The following RBPJ variants were observed in gnomAD, a reference collection of about 807,000 sequenced individuals.
RBPJ encodes the protein recombining binding protein suppressor of hairless.
A neutral mutation model predicts 67.8 loss-of-function variants in RBPJ; 9 were observed. That is an observed-to-expected ratio of 0.13 (90% CI 0.08 to 0.23). The LOEUF (loss-of-function observed/expected upper bound fraction) is 0.23. RBPJ is among the 10% of genes least tolerant of loss of function. RBPJ has a pLI of 1.00. For missense variants in RBPJ, 305 were observed against 595.6 expected (o/e 0.51, Z 5.08); for synonymous variants, 198 against 203.3 (o/e 0.97, Z 0.22).
At chr4:26,215,402 G>GAAGGGAAGGA (rs779927576) in intron 1 of RBPJ, among the ~76,000 whole-genome samples, 1 of 108,558 alleles carries the variant, frequency 9.2e-6, no homozygotes, top group Non-Finnish European at 1.8e-5. Flanking sequence ...AGGAAGGAAG[G>GAAGGGAAGGA]GGGGGGAAGG....
chr4:26,282,196 T>A (rs1405142381), intron 1 of RBPJ, among the ~76,000 whole-genome samples: 1 of 149,606 alleles, frequency 6.7e-6, no homozygotes, highest in African/African-American at 2.5e-5. Flanking sequence ...TAAAAAGGAA[T>A]TTTGCTATTG....
chr4:26,202,395 T>C (rs1021613905), intron 1 of RBPJ, among the ~76,000 whole-genome samples: 1 of 151,780 alleles, frequency 6.6e-6, no homozygotes, highest in Non-Finnish European at 1.5e-5. Context: ...TCCACTTACA[T>C]GTCCAATAGA....
chr4:26,358,784 T>TA lies in RBPJ; in HGVS notation c.21-27555dup, dbSNP rs56969605. 1.1e-3 allele frequency among the ~76,000 whole-genome samples: 166 copies of TA among 147,244 alleles called. 2 individuals are homozygous for TA. In the South Asian group the frequency reaches 0.015, roughly 13 times the overall value. On this transcript the variant is annotated intron_variant, in intron 1 of 10. Coordinates refer to ENST00000355476, the MANE Select transcript of RBPJ (RefSeq NM_015874.6). Reference sequence around the variant, plus strand: ...GGTAACAAAGCAAGATCTTGTCTCTTAAAAAAAAAAAAAAGTCCATTCATT... The same window carrying TA: ...GGTAACAAAGCAAGATCTTGTCTCTTAAAAAAAAAAAAAAAGTCCATTCATT...
intron 1 of RBPJ, among the ~76,000 whole-genome samples, chr4:26,239,744 G>A (rs115434597): frequency 1.8e-4 from 27 of 149,888 alleles, no homozygotes; most frequent in South Asian, 8.5e-4. Context: ...GGGAGGGGAG[G>A]GGAGAGGAGA....
At chr4:26,421,303 A>G (rs375736680) in intron 5 of RBPJ, among the ~76,000 whole-genome samples, 1 of 150,634 alleles carries the variant, frequency 6.6e-6, no homozygotes, top group East Asian at 1.9e-4. Context: ...TATTATGGAG[A>G]CTTTTCTTTT....
chr4:26,251,847 CAAAAAAAAAAAAA>C (rs769291407), intron 1 of RBPJ, among the ~76,000 whole-genome samples: 719 of 49,514 alleles, frequency 0.015, 11 homozygotes, highest in Admixed American at 0.033. Context: ...GACTCCGTCT[CAAAAAAAAAAAAA>C]AAAAAAAAAA....
intron 1 of RBPJ, among the ~76,000 whole-genome samples, chr4:26,347,725 C>G (rs2109427478): frequency 6.6e-6 from 1 of 152,158 alleles, no homozygotes; most frequent in Non-Finnish European, 1.5e-5. Flanking sequence ...GGTTTAGATG[C>G]TTATTGGAAG....
chr4:26,234,788 G>T (rs1043004283), intron 1 of RBPJ, among the ~76,000 whole-genome samples: 7 of 152,066 alleles, frequency 4.6e-5, no homozygotes, highest in East Asian at 1.9e-4. Context: ...CTACTCCCTG[G>T]TTCAAGCGAT....
intron 1 of RBPJ, among the ~76,000 whole-genome samples, chr4:26,255,326 C>T (rs1204466786): frequency 3.3e-5 from 4 of 122,682 alleles, no homozygotes; most frequent in Admixed American, 1.6e-4. Flanking sequence ...ATGGCGTGAA[C>T]CCAGGAGGCG....
intron 2 of RBPJ, among the ~76,000 whole-genome samples, chr4:26,390,382 T>G (rs1462569812): frequency 6.6e-6 from 1 of 152,178 alleles, no homozygotes; most frequent in African/African-American, 2.4e-5. Context: ...CATTTAACAT[T>G]GTATTTTGAG....
At chr4:26,280,412 AAAAAG>A (rs1721234241) in intron 1 of RBPJ, among the ~76,000 whole-genome samples, 1 of 151,418 alleles carries the variant, frequency 6.6e-6, no homozygotes, top group Non-Finnish European at 1.5e-5. Context: ...AAAAAAAAAA[AAAAAG>A]AGAGAGAGAG....
chr4:26,357,035 G>A lies in RBPJ; in HGVS notation c.21-29318G>A, dbSNP rs1357861125. On this transcript the variant is annotated intron_variant, in intron 1 of 10. Coordinates refer to ENST00000355476, the MANE Select transcript of RBPJ (RefSeq NM_015874.6). Reference sequence around the variant, plus strand: ...GGAAAAAGGGAGTAAAGAATCTGGTGTAGAGTATGGGAAGCAGAAGGGTCT... The same window carrying A: ...GGAAAAAGGGAGTAAAGAATCTGGTATAGAGTATGGGAAGCAGAAGGGTCT... Among the ~76,000 whole-genome samples, 4 of 152,310 alleles carry A rather than the reference G, an allele frequency of 2.6e-5. No individual in the cohort carries two copies. The East Asian group carries it at 5.8e-4, about 22-fold the overall frequency.
At chr4:26,136,851 T>C in the RBPJ span, among the ~76,000 whole-genome samples, 92 of 152,218 alleles carry the variant, frequency 6.0e-4, no homozygotes, top group Non-Finnish European at 1.1e-3. Context: ...ATTATTTGCC[T>C]GTCTCATAGA....
At chr4:26,340,440 G>A (rs1725386552) in intron 1 of RBPJ, among the ~76,000 whole-genome samples, 1 of 152,222 alleles carries the variant, frequency 6.6e-6, no homozygotes, top group African/African-American at 2.4e-5. Context: ...TTTGAGATGA[G>A]TAGCTACTGC....
intron 1 of RBPJ, among the ~76,000 whole-genome samples, chr4:26,173,785 G>C (rs368965313): frequency 6.6e-6 from 1 of 152,136 alleles, no homozygotes. Flanking sequence ...GCATCTCCAC[G>C]GGCTGGGCAC....
At chr4:26,168,297 G>C (rs1243435245) in intron 1 of RBPJ, among the ~76,000 whole-genome samples, 1 of 151,940 alleles carries the variant, frequency 6.6e-6, no homozygotes, top group Non-Finnish European at 1.5e-5. Context: ...GCATTTGCTT[G>C]TCTGTAAAGT....
intron 1 of RBPJ, among the ~76,000 whole-genome samples, chr4:26,382,093 A>G (rs947813919): frequency 6.6e-6 from 1 of 152,200 alleles, no homozygotes; most frequent in African/African-American, 2.4e-5. Flanking sequence ...AATGTTTTAC[A>G]TAATAATTGC....
chr4:26,385,881 C>T (rs1730865383), intron 1 of RBPJ, among the ~76,000 whole-genome samples: 1 of 151,886 alleles, frequency 6.6e-6, no homozygotes, highest in South Asian at 2.1e-4. Flanking sequence ...TGACTCACTG[C>T]ACCCTTGAAC....
At chr4:26,359,985 C>T (rs1300391481) in intron 1 of RBPJ, among the ~76,000 whole-genome samples, 2 of 152,096 alleles carry the variant, frequency 1.3e-5, no homozygotes, top group Non-Finnish European at 2.9e-5. Flanking sequence ...ACAAAATAAT[C>T]AGAATTTAGT....
Sources: gnomAD v4.1 joint callset for allele counts (sites outside exome capture counted in the v4.1 genomes callset) on GRCh38, gnomAD v4.1.1 for gene constraint, MANE v1.5 for transcripts, NCBI Gene and HGNC (gene_info 2026-07-23, HGNC 2026-07-21) for gene names.